B3GALNT2: variants seen among roughly 807,000 people sequenced by gnomAD.
The protein encoded by B3GALNT2 is UDP-GalNAc:beta-1,3-N-acetylgalactosaminyltransferase 2.
Under a neutral mutation model 61.1 loss-of-function variants are expected in B3GALNT2, and 53 were observed. The observed-to-expected ratio is 0.87, with a 90% CI of 0.70 to 1.09. The LOEUF (loss-of-function observed/expected upper bound fraction) is 1.09, where lower values mean the gene tolerates loss of function less well. Ranked by LOEUF, B3GALNT2 falls within the 50% of genes least tolerant of loss-of-function variation. The probability of loss-of-function intolerance (pLI) is 0.00; values close to 1 mark genes in which losing one functional copy is unlikely to be tolerated. For synonymous variants in B3GALNT2, 223 were observed against 237.4 expected (o/e 0.94, Z 0.56); for missense variants, 544 against 623.0 (o/e 0.87, Z 1.35).
intron 2 of B3GALNT2, among the ~76,000 whole-genome samples, chr1:235,490,734 T>C (rs1685023167): frequency 6.6e-6 from 1 of 151,868 alleles, no homozygotes; most frequent in Admixed American, 6.6e-5. Flanking sequence ...TCTTATAATA[T>C]ATATTAAAAT....
chr1:235,494,848 A>G lies in B3GALNT2; in HGVS notation c.113-20T>C, dbSNP rs1685243094. On this transcript the variant is annotated intron_variant, in intron 1 of 11. Coordinates refer to ENST00000366600, the MANE Select transcript of B3GALNT2 (RefSeq NM_152490.5). Reference sequence around the variant, plus strand: ...ACTGATCTAGAAATAAGAACAATACATGAGAAATAAGTCATGTATCAATTA... The same window carrying G: ...ACTGATCTAGAAATAAGAACAATACGTGAGAAATAAGTCATGTATCAATTA... 6.3e-7 allele frequency: 1 copy of G among 1,575,108 alleles called. No homozygotes were observed. The highest frequency in any genetic ancestry group is 1.4e-5 in the African/African-American group (1 of 73,866).
chr1:235,471,072 A>G (rs1683981513), intron 5 of B3GALNT2, 112 bp from the exon 6 acceptor site: 1 of 1,507,702 alleles, frequency 6.6e-7, no homozygotes, highest in Admixed American at 2.2e-5. Context: ...CGTATCATTT[A>G]AAATTTTCAC....
At chr1:235,479,901 T>C in intron 5 of B3GALNT2, 153 bp downstream of exon 5, 1 of 1,328,834 alleles carries the variant, frequency 7.5e-7, no homozygotes, top group Non-Finnish European at 9.9e-7. Context: ...TACAGAGTGC[T>C]ATGTTTTAGC....
At chr1:235,502,699 C>T (rs968370622) in intron 1 of B3GALNT2, among the ~76,000 whole-genome samples, 1 of 152,208 alleles carries the variant, frequency 6.6e-6, no homozygotes, top group Non-Finnish European at 1.5e-5. Context: ...TTGAAGTCTA[C>T]TAACATTTCA....
chr1:235,489,384 T>A, intron 2 of B3GALNT2, 116 bp from the exon 3 acceptor site: 2 of 1,456,644 alleles, frequency 1.4e-6, no homozygotes, highest in Non-Finnish European at 1.8e-6. Context: ...GAGGATTAAT[T>A]CTCTACCTTT....
chr1:235,456,701 G>GGTGGCAGCCAACAATA, intron 8 of B3GALNT2, among the ~76,000 whole-genome samples: 1 of 152,186 alleles, frequency 6.6e-6, no homozygotes, highest in Non-Finnish European at 1.5e-5. Flanking sequence ...AGGGAGAGAA[G>GGTGGCAGCCAACAATA]GTGGCAGCCA....
Position 235,489,160 on chromosome 1 carries a change from T to A in B3GALNT2, c.361+8A>T. 1 of 1,613,448 alleles carries A rather than the reference T, an allele frequency of 6.2e-7. No homozygotes were observed. Among genetic ancestry groups the A allele is most frequent in the Non-Finnish European group, 8.5e-7 (1 of 1,179,706 alleles). Reference sequence around the variant, plus strand: ...TGTGTATGGCAGTCAAGGGAAAAGATGACTTACCTGGATTTGTGATGTTGA... The same window carrying A: ...TGTGTATGGCAGTCAAGGGAAAAGAAGACTTACCTGGATTTGTGATGTTGA... On this transcript the variant is annotated splice_region_variant and intron_variant, in intron 3 of 11. Transcript: ENST00000366600.
At chr1:235,493,404 T>C (rs1685171229) in intron 2 of B3GALNT2, among the ~76,000 whole-genome samples, 1 of 152,154 alleles carries the variant, frequency 6.6e-6, no homozygotes, top group Non-Finnish European at 1.5e-5. Context: ...GGCTCTATTA[T>C]CATTGCAACC....
chr1:235,447,815 C>G lies in B3GALNT2; in HGVS notation c.*2391G>C, dbSNP rs1305060742. Among the ~76,000 whole-genome samples the G allele has an allele frequency of 6.6e-6, 1 of 152,148 alleles. No homozygotes were observed. Among genetic ancestry groups the G allele is most frequent in the Non-Finnish European group, 1.5e-5 (1 of 68,036 alleles). On this transcript the variant is annotated 3_prime_UTR_variant, in exon 12 of 12. Coordinates refer to ENST00000366600, the MANE Select transcript of B3GALNT2 (RefSeq NM_152490.5). ...GTATGAAACTCACTGTCAAAGGGCA[C>G]TTAGGTCCGTTGGCTCCGTTTCCCA...
intron 7 of B3GALNT2, among the ~76,000 whole-genome samples, chr1:235,461,974 GT>G (rs1683456393): frequency 6.6e-6 from 1 of 152,238 alleles, no homozygotes; most frequent in South Asian, 2.1e-4. Context: ...AATAGGCTTT[GT>G]GTTAGATTAT....
intron 6 of B3GALNT2, among the ~76,000 whole-genome samples, 175 bp downstream of exon 6, chr1:235,470,675 T>G (rs1490318025): frequency 1.3e-5 from 2 of 151,920 alleles, no homozygotes; most frequent in Non-Finnish European, 2.9e-5. Context: ...TACAGGATCA[T>G]ATTTGAGTTT....
intron 6 of B3GALNT2, among the ~76,000 whole-genome samples, chr1:235,468,349 T>A (rs1033045591): frequency 6.6e-6 from 1 of 152,136 alleles, no homozygotes; most frequent in African/African-American, 2.4e-5. Flanking sequence ...AGGTTAACTG[T>A]ATGTTTAAGC....
At chr1:235,442,245 A>G (rs1292661632), downstream of B3GALNT2, among the ~76,000 whole-genome samples, 1 of 152,058 alleles carries the variant, frequency 6.6e-6, no homozygotes, top group Non-Finnish European at 1.5e-5. Context: ...ATCTTGGCTC[A>G]CCGCAACCTC....
intron 1 of B3GALNT2, among the ~76,000 whole-genome samples, chr1:235,499,028 A>G (rs1348947438): frequency 6.6e-6 from 1 of 152,124 alleles, no homozygotes; most frequent in Non-Finnish European, 1.5e-5. Flanking sequence ...CACTCAGAAG[A>G]TCTTTATTAA....
At chr1:235,471,043 G>C (rs1159797442) in intron 5 of B3GALNT2, 83 bp from the exon 6 acceptor site, 8 of 1,553,324 alleles carry the variant, frequency 5.2e-6, no homozygotes, top group Non-Finnish European at 7.0e-6. Context: ...AAGATTTTTA[G>C]AGAAAATTTT....
intron 1 of B3GALNT2, among the ~76,000 whole-genome samples, chr1:235,497,086 T>C (rs2102867488): frequency 6.6e-6 from 1 of 152,068 alleles, no homozygotes; most frequent in South Asian, 2.1e-4. Context: ...AACACATCAA[T>C]TTTTTTTAAC....
At chr1:235,453,197 T>G (rs752079139) in intron 10 of B3GALNT2, 51 bp from the exon 11 acceptor site, 24 of 1,531,076 alleles carry the variant, frequency 1.6e-5, no homozygotes, top group Non-Finnish European at 2.2e-5. Context: ...GCTATTTTAT[T>G]TGTAAAGACA....
At chr1:235,490,876 C>T (rs866335311) in intron 2 of B3GALNT2, among the ~76,000 whole-genome samples, 1 of 152,066 alleles carries the variant, frequency 6.6e-6, no homozygotes, top group Non-Finnish European at 1.5e-5. Flanking sequence ...ATCTTTCCCC[C>T]ACTCTGTGTT....
the B3GALNT2 span, among the ~76,000 whole-genome samples, chr1:235,439,814 T>C: frequency 4.6e-5 from 7 of 151,330 alleles, no homozygotes; most frequent in Non-Finnish European, 8.8e-5. Flanking sequence ...TCTTTTTTTT[T>C]CTTTTGAGAC....
Sources: allele counts gnomAD v4.1 joint callset (sites outside exome capture counted in the v4.1 genomes callset), GRCh38; gene constraint gnomAD v4.1.1; transcripts MANE v1.5; gene names NCBI Gene and HGNC (gene_info 2026-07-23, HGNC 2026-07-21).